Variants in CHCHD6 observed in about 807,000 individuals in gnomAD.
CHCHD6 encodes the protein coiled-coil-helix-coiled-coil-helix domain containing 6, also known as MICOS complex subunit MIC25.
A neutral mutation model predicts 32.3 loss-of-function variants in CHCHD6; 28 were observed. The ratio of observed to expected loss-of-function variants is 0.87; its 90% CI spans 0.64 to 1.19. The LOEUF (loss-of-function observed/expected upper bound fraction) is 1.19. Ranked by LOEUF, CHCHD6 falls within the 50% of genes most tolerant of loss-of-function variation. The pLI is 0.00. For missense variants in CHCHD6, 333 were observed against 307.0 expected, an observed-to-expected ratio of 1.08 and a Z score of -0.63; for synonymous variants, 122 against 117.5, an observed-to-expected ratio of 1.04 and a Z score of -0.25.
intron 4 of CHCHD6, among the ~76,000 whole-genome samples, chr3:126,833,985 C>T (rs954640357): frequency 2.4e-5 from 3 of 127,522 alleles, no homozygotes; most frequent in African/African-American, 9.2e-5. Context: ...ACCCGGGAGG[C>T]GGAGCTTGCA....
At chr3:126,737,895 G>A (rs1416604381) in intron 4 of CHCHD6, among the ~76,000 whole-genome samples, 1 of 152,064 alleles carries the variant, frequency 6.6e-6, no homozygotes, top group Admixed American at 6.6e-5. Context: ...AGTCTGATGG[G>A]GAGCTCTGTG....
intron 4 of CHCHD6, among the ~76,000 whole-genome samples, chr3:126,786,195 T>C (rs903795568): frequency 2.0e-5 from 3 of 152,230 alleles, no homozygotes; most frequent in African/African-American, 7.2e-5. Flanking sequence ...CCATGGTGTA[T>C]ATGTGCCACA....
intron 5 of CHCHD6, among the ~76,000 whole-genome samples, chr3:126,877,890 A>C (rs1559898651): frequency 6.6e-6 from 1 of 152,248 alleles, no homozygotes; most frequent in East Asian, 1.9e-4. Context: ...TCAAAATAAA[A>C]TGTATAGTTA....
chr3:126,786,579 T>C (rs1338052978), intron 4 of CHCHD6, among the ~76,000 whole-genome samples: 1 of 152,182 alleles, frequency 6.6e-6, no homozygotes, highest in East Asian at 1.9e-4. Flanking sequence ...TGATGGCCAG[T>C]GATGATGAGC....
chr3:126,755,955 A>G (rs2107670140), intron 4 of CHCHD6, among the ~76,000 whole-genome samples: 1 of 151,990 alleles, frequency 6.6e-6, no homozygotes, highest in Non-Finnish European at 1.5e-5. Flanking sequence ...CCCTTTAGGT[A>G]GGGGCAGTGT....
chr3:126,722,352 A>G (rs1270822709), intron 1 of CHCHD6, among the ~76,000 whole-genome samples: 1 of 152,134 alleles, frequency 6.6e-6, no homozygotes, highest in South Asian at 2.1e-4. Flanking sequence ...TTTTAGAGAA[A>G]GGGCCTCACT....
intron 5 of CHCHD6, among the ~76,000 whole-genome samples, chr3:126,906,233 C>T (rs1406279211): frequency 6.6e-6 from 1 of 152,216 alleles, no homozygotes; most frequent in African/African-American, 2.4e-5. Context: ...ATTCCATGCT[C>T]CCTCAGGGAA....
intron 6 of CHCHD6, among the ~76,000 whole-genome samples, chr3:126,944,158 G>A (rs1348238283): frequency 6.6e-6 from 1 of 152,274 alleles, no homozygotes; most frequent in African/African-American, 2.4e-5. Context: ...GCTGAGCTGT[G>A]TTCAGGAATA....
rs139416144 is a variant in CHCHD6 at position 126,780,780 on chromosome 3, C to G, written c.411+47558C>G. Among the ~76,000 whole-genome samples, 4 of 152,322 alleles carry G rather than the reference C, an allele frequency of 2.6e-5. No individual in the cohort carries two copies. In the East Asian group the frequency reaches 7.7e-4, roughly 29 times the overall value. On this transcript the variant is annotated intron_variant, in intron 4 of 7. Coordinates refer to ENST00000290913, the MANE Select transcript of CHCHD6 (RefSeq NM_032343.3). Reference sequence around the variant, plus strand: ...CTGCTTTTGGCCTCAAGGGACAGAACACCCAACTATCAGAGGCTTAACAGC... The same window carrying G: ...CTGCTTTTGGCCTCAAGGGACAGAAGACCCAACTATCAGAGGCTTAACAGC...
At chr3:126,770,717 A>G (rs1025248284) in intron 4 of CHCHD6, among the ~76,000 whole-genome samples, 51 of 152,120 alleles carry the variant, frequency 3.4e-4, no homozygotes, top group African/African-American at 1.0e-3. Flanking sequence ...GTGCTACTGG[A>G]TTTGGTTTGC....
intron 6 of CHCHD6, among the ~76,000 whole-genome samples, chr3:126,932,657 T>C (rs2078422727): frequency 6.6e-6 from 1 of 152,076 alleles, no homozygotes; most frequent in African/African-American, 2.4e-5. Context: ...AGGGCTGTCC[T>C]TGTGGCTTAA....
chr3:126,932,505 C>T (rs1044269057), intron 6 of CHCHD6, among the ~76,000 whole-genome samples: 2 of 152,204 alleles, frequency 1.3e-5, no homozygotes, highest in African/African-American at 4.8e-5. Flanking sequence ...GTTACTTTTT[C>T]CTCTGGTGAG....
chr3:126,853,432 C>T (rs572550238), intron 5 of CHCHD6, among the ~76,000 whole-genome samples: 2 of 152,064 alleles, frequency 1.3e-5, no homozygotes, highest in African/African-American at 4.8e-5. Context: ...AGACAGCATG[C>T]CAAGCAACCT....
intron 5 of CHCHD6, among the ~76,000 whole-genome samples, chr3:126,910,962 AG>A (rs2078081134): frequency 6.6e-6 from 1 of 152,188 alleles, no homozygotes; most frequent in African/African-American, 2.4e-5. Context: ...GGCTGAGTCC[AG>A]GCTGGCCAAG....
At chr3:126,923,894 G>C (rs1383386673) in intron 6 of CHCHD6, among the ~76,000 whole-genome samples, 3 of 152,214 alleles carry the variant, frequency 2.0e-5, no homozygotes, top group African/African-American at 2.4e-5. Flanking sequence ...TGCATAGAGT[G>C]TATCAGTGAC....
chr3:126,733,003 C>G, intron 3 of CHCHD6, 75 bp from the exon 4 acceptor site: 3 of 1,526,520 alleles, frequency 2.0e-6, no homozygotes, highest in Non-Finnish European at 2.7e-6. Context: ...GAAGTGAGTG[C>G]GCAGATCTTG....
At chr3:126,851,795 T>C (rs912396297) in intron 4 of CHCHD6, among the ~76,000 whole-genome samples, 5 of 152,324 alleles carry the variant, frequency 3.3e-5, no homozygotes, top group African/African-American at 1.2e-4. Context: ...CCCACTTCTG[T>C]TGGGGTTTCC....
At chr3:126,915,581 A>G (rs1291183619) in intron 6 of CHCHD6, among the ~76,000 whole-genome samples, 2 of 152,214 alleles carry the variant, frequency 1.3e-5, no homozygotes, top group African/African-American at 4.8e-5. Flanking sequence ...CCAAGAGTGA[A>G]TTGGGACAAT....
chr3:126,911,287 C>T (rs1559917797), intron 5 of CHCHD6, among the ~76,000 whole-genome samples: 4 of 152,144 alleles, frequency 2.6e-5, no homozygotes, highest in Middle Eastern at 3.2e-3. Context: ...TCAGTGTGCA[C>T]GTTGGTAGTG....
Sources: gnomAD v4.1 joint callset for allele counts (sites outside exome capture counted in the v4.1 genomes callset) on GRCh38, gnomAD v4.1.1 for gene constraint, MANE v1.5 for transcripts, NCBI Gene and HGNC (gene_info 2026-07-23, HGNC 2026-07-21) for gene names.